The following ABCB1 variants were observed in gnomAD, a reference collection of about 807,000 sequenced individuals.
ABCB1 encodes ATP binding cassette subfamily B member 1.
Under a neutral mutation model 142.0 loss-of-function variants are expected in ABCB1, and 69 were observed. The ratio of observed to expected loss-of-function variants is 0.49; its 90% CI spans 0.40 to 0.59. ABCB1 has a LOEUF of 0.59. Among genes scored for constraint, ABCB1 ranks in the 20% least tolerant of loss-of-function variants. The pLI is 0.00. For missense variants in ABCB1, 1,326 were observed against 1,554.7 expected (o/e 0.85, Z 2.47); for synonymous variants, 532 against 539.2 (o/e 0.99, Z 0.18).
At chr7:87,583,239 A>C (rs1818594819) in intron 4 of ABCB1, among the ~76,000 whole-genome samples, 1 of 152,224 alleles carries the variant, frequency 6.6e-6, no homozygotes, top group South Asian at 2.1e-4. Flanking sequence ...TAAATATCAC[A>C]ACCATCCTGA....
intron 2 of ABCB1, among the ~76,000 whole-genome samples, chr7:87,599,173 A>G (rs988500625): frequency 1.3e-5 from 2 of 152,204 alleles, no homozygotes; most frequent in Admixed American, 1.3e-4. Context: ...TATAATTTAC[A>G]TTACAGTTTC....
In ABCB1 at chr7:87,539,361, T is replaced by C. The variant is rs768374829; in HGVS notation, c.2320-16A>G. 12 of 1,612,958 alleles carry C rather than the reference T, an allele frequency of 7.4e-6. No homozygotes were observed. In the Admixed American group the frequency reaches 1.3e-4, roughly 18 times the overall value. On this transcript the variant is annotated splice_polypyrimidine_tract_variant and intron_variant, in intron 18 of 27. Coordinates refer to ENST00000622132, the MANE Select transcript of ABCB1 (RefSeq NM_001348946.2). The stretch of plus-strand genomic sequence containing the variant: ...ATGTGAAACCCTGTGGGCAGGAACA[T>C]ACCTTGTCAGGGACCCAGCCACCAT...
chr7:87,576,675 T>G (rs1238771234), intron 4 of ABCB1, among the ~76,000 whole-genome samples: 1 of 151,746 alleles, frequency 6.6e-6, no homozygotes, highest in African/African-American at 2.4e-5. Flanking sequence ...CCCAGAGGAT[T>G]TAACATCACA....
rs189146539 is a variant in ABCB1 at position 87,565,965 on chromosome 7, A to C, written c.702+105T>G. ...TTTGAACAGAAAACGTAAAAGTAAC[A>C]AGTACAGAATCAGAGTCATCATGTA... On this transcript the variant is annotated intron_variant, in intron 7 of 27. Coordinates refer to ENST00000622132, the MANE Select transcript of ABCB1 (RefSeq NM_001348946.2). 58 of 1,289,972 alleles carry C rather than the reference A, an allele frequency of 4.5e-5. No homozygotes were observed. The Admixed American group carries it at 1.0e-3, about 22-fold the overall frequency. The allele number at this position is 1,289,972 out of a possible 1,614,324, so 79.9% of individuals were successfully genotyped here.
intron 1 of ABCB1, among the ~76,000 whole-genome samples, chr7:87,633,804 C>T (rs1176625343): frequency 6.6e-6 from 1 of 151,966 alleles, no homozygotes; most frequent in African/African-American, 2.4e-5. Context: ...GGGAGAAATG[C>T]AGATATGTGA....
chr7:87,626,099 T>TTGTCATATATATGTGTCATATATA lies in ABCB1; in HGVS notation c.-330-25045_-330-25022dup, dbSNP rs1438999161. Among the ~76,000 whole-genome samples, 6 of 95,500 alleles carry TTGTCATATATATGTGTCATATATA rather than the reference T, an allele frequency of 6.3e-5. No individual in the cohort carries two copies. In the East Asian group the frequency reaches 1.9e-3, roughly 31 times the overall value. 62.7% of individuals were successfully genotyped at this position (95,500 alleles called of 152,430 possible). On this transcript the variant is annotated intron_variant, in intron 1 of 28. Transcript: ENST00000265724. ...AGACATATATATATATATATATATA[T>TTGTCATATATATGTGTCATATATA]TGTCATATATATGTGTCATATATAT...
intron 1 of ABCB1, among the ~76,000 whole-genome samples, chr7:87,600,515 G>C (rs762534547): frequency 1.8e-4 from 28 of 152,176 alleles, no homozygotes; most frequent in Non-Finnish European, 2.2e-4. Flanking sequence ...GCAGGTCCCC[G>C]CACCGCGCGG....
At chr7:87,519,181 T>A (rs1584840346) in intron 23 of ABCB1, 145 bp downstream of exon 23, 1 of 758,162 alleles carries the variant, frequency 1.3e-6, no homozygotes, top group East Asian at 2.7e-5. Flanking sequence ...TGGTGGCACA[T>A]GAAGACTCAG....
At chr7:87,699,951 C>A (rs1390354933) in intron 1 of ABCB1, among the ~76,000 whole-genome samples, 1 of 151,594 alleles carries the variant, frequency 6.6e-6, no homozygotes, top group Non-Finnish European at 1.5e-5. Flanking sequence ...ACATTGTATA[C>A]CTTTTTTGAA....
Position 87,566,300 on chromosome 7 carries a change from G to A in ABCB1, c.531-59C>T, listed in dbSNP as rs112858219. On this transcript the variant is annotated intron_variant, in intron 6 of 27. Coordinates refer to ENST00000622132, the MANE Select transcript of ABCB1 (RefSeq NM_001348946.2). Reference sequence around the variant, plus strand: ...AGAATTGTAAACATCAACTTTTCTCGTGAAGCCTGTTTTGAGTGTAGGGTA... The same window carrying A: ...AGAATTGTAAACATCAACTTTTCTCATGAAGCCTGTTTTGAGTGTAGGGTA... 9.1e-5 allele frequency: 141 copies of A among 1,547,604 alleles called. 1 individual carries two copies. The African/African-American group carries it at 1.1e-3, about 12-fold the overall frequency.
chr7:87,674,470 G>A (rs758934732), intron 1 of ABCB1, among the ~76,000 whole-genome samples: 8 of 152,280 alleles, frequency 5.3e-5, no homozygotes, highest in Middle Eastern at 3.4e-3. Context: ...CATGCTGGCA[G>A]TTCTAGGGTG....
intron 1 of ABCB1, among the ~76,000 whole-genome samples, chr7:87,671,739 T>C (rs1395695678): frequency 6.6e-6 from 1 of 152,130 alleles, no homozygotes; most frequent in Non-Finnish European, 1.5e-5. Flanking sequence ...CATGTGTTGG[T>C]AGAGCAGCTG....
chr7:87,693,165 A>T (rs893948440), intron 1 of ABCB1, among the ~76,000 whole-genome samples: 6 of 152,052 alleles, frequency 3.9e-5, no homozygotes, highest in African/African-American at 1.4e-4. Flanking sequence ...CCATATTGTT[A>T]TACTAGCAAT....
At chr7:87,526,694 G>C (rs1815796623) in intron 21 of ABCB1, among the ~76,000 whole-genome samples, 1 of 152,142 alleles carries the variant, frequency 6.6e-6, no homozygotes, top group Non-Finnish European at 1.5e-5. Flanking sequence ...GTCCGTTACT[G>C]TCTAAGTACT....
At chr7:87,546,474 G>A (rs28381910) in intron 14 of ABCB1, among the ~76,000 whole-genome samples, 5,247 of 151,596 alleles carry the variant, frequency 0.035, 105 homozygotes, top group African/African-American at 0.042. Context: ...TGTAGTCCCC[G>A]CTACTTGGGA....
chr7:87,713,124 A>T (rs1431048499), intron 1 of ABCB1: 1 of 152,228 alleles, frequency 6.6e-6, no homozygotes, highest in Non-Finnish European at 1.5e-5. Context: ...TTAGATTTGT[A>T]AAATACAAAC....
At chr7:87,586,297 C>T (rs1040976991) in intron 3 of ABCB1, among the ~76,000 whole-genome samples, 11 of 152,126 alleles carry the variant, frequency 7.2e-5, no homozygotes, top group African/African-American at 2.2e-4. Context: ...TCTGCATAAT[C>T]TCTTTAAATG....
intron 1 of ABCB1, among the ~76,000 whole-genome samples, chr7:87,607,293 T>C (rs1016237912): frequency 1.3e-5 from 2 of 152,134 alleles, no homozygotes; most frequent in Admixed American, 1.3e-4. Context: ...AGGAAGATAA[T>C]ACAGAAGAGA....
intron 8 of ABCB1, among the ~76,000 whole-genome samples, chr7:87,557,793 C>A (rs967257528): frequency 1.3e-5 from 2 of 152,200 alleles, no homozygotes; most frequent in South Asian, 4.1e-4. Context: ...TCCTCCTTCT[C>A]AGGTTTTATT....
Sources: allele counts gnomAD v4.1 joint callset (sites outside exome capture counted in the v4.1 genomes callset), GRCh38; gene constraint gnomAD v4.1.1; transcripts MANE v1.5; gene names NCBI Gene and HGNC (gene_info 2026-07-23, HGNC 2026-07-21).